The following DLC1 variants were observed in gnomAD, a reference collection of about 807,000 sequenced individuals.
The protein encoded by DLC1 is rho GTPase-activating protein 7.
DLC1 carries 54 observed loss-of-function variants against 140.3 expected under a neutral mutation model. That is an observed-to-expected ratio of 0.38 (90% CI 0.31 to 0.48). DLC1 has a LOEUF of 0.48. Ranked by LOEUF, DLC1 falls within the 20% of genes least tolerant of loss-of-function variation. DLC1 has a pLI of 0.96. For missense variants in DLC1, 2,536 were observed against 1,907.0 expected (o/e 1.33, Z -6.14); for synonymous variants, 986 against 728.1 (o/e 1.35, Z -5.70).
At chr8:13,175,832 C>T (rs758478658) in intron 5 of DLC1, among the ~76,000 whole-genome samples, 18 of 152,212 alleles carry the variant, frequency 1.2e-4, no homozygotes, top group Non-Finnish European at 2.4e-4. Flanking sequence ...ACTGTTCTCT[C>T]ACCAAAGTGG....
intron 4 of DLC1, among the ~76,000 whole-genome samples, chr8:13,316,315 C>T (rs994655152): frequency 2.0e-5 from 3 of 152,064 alleles, no homozygotes; most frequent in Non-Finnish European, 2.9e-5. Context: ...ACAGGTACAG[C>T]AGTTTTGTCC....
intron 16 of DLC1, among the ~76,000 whole-genome samples, chr8:13,087,378 G>A (rs1291857395): frequency 1.3e-5 from 2 of 152,218 alleles, no homozygotes; most frequent in African/African-American, 4.8e-5. Context: ...CCTAGCCTTG[G>A]TGACAGAATG....
chr8:13,550,467 A>G lies in DLC1; in HGVS notation c.-125-50271T>C, dbSNP rs566211885. On this transcript the variant is annotated intron_variant, in intron 1 of 1. Transcript: ENST00000631382. ...GAGAAGACTAATACAGAATTTTTGC[A>G]TGGTCTTCTTGAGCTATATACAGGC... is the stretch of plus-strand genomic sequence containing the variant. Among the ~76,000 whole-genome samples, 142 of 152,214 alleles carry G rather than the reference A, an allele frequency of 9.3e-4. 1 individual carries two copies. The highest frequency in any genetic ancestry group is 3.3e-3 in the African/African-American group (136 of 41,552).
At chr8:13,578,526 C>G (rs1804926979) in intron 1 of DLC1, among the ~76,000 whole-genome samples, 1 of 152,068 alleles carries the variant, frequency 6.6e-6, no homozygotes, top group Non-Finnish European at 1.5e-5. Flanking sequence ...CAAGGCTGCC[C>G]CCACTGCAGA....
intron 1 of DLC1, among the ~76,000 whole-genome samples, chr8:13,521,736 C>G (rs1033208491): frequency 9.2e-5 from 14 of 152,132 alleles, no homozygotes; most frequent in Non-Finnish European, 2.1e-4. Context: ...AGCCTCGTGT[C>G]CTTGAAACAA....
At chr8:13,571,626 G>T (rs1014980183) in intron 1 of DLC1, among the ~76,000 whole-genome samples, 1 of 152,190 alleles carries the variant, frequency 6.6e-6, no homozygotes, top group Non-Finnish European at 1.5e-5. Flanking sequence ...CACTTGCATT[G>T]CTCCCACTTT....
intron 1 of DLC1, among the ~76,000 whole-genome samples, chr8:13,562,519 A>C (rs879270314): frequency 7.9e-5 from 12 of 152,184 alleles, no homozygotes; most frequent in Non-Finnish European, 1.2e-4. Context: ...TTACGCTGAG[A>C]TATCATTTCT....
At chr8:13,424,221 G>A (rs371522207) in intron 2 of DLC1, among the ~76,000 whole-genome samples, 4 of 152,162 alleles carry the variant, frequency 2.6e-5, no homozygotes, top group East Asian at 3.9e-4. Context: ...AATCAAGGCC[G>A]GGTTCGGTGG....
At chr8:13,442,247 A>G (rs1798547544) in intron 2 of DLC1, among the ~76,000 whole-genome samples, 1 of 152,194 alleles carries the variant, frequency 6.6e-6, no homozygotes, top group Non-Finnish European at 1.5e-5. Context: ...AAACCCTAAA[A>G]ACCCTAGAAG....
chr8:13,452,920 C>A (rs564151358), intron 2 of DLC1, among the ~76,000 whole-genome samples: 1 of 152,044 alleles, frequency 6.6e-6, no homozygotes, highest in African/African-American at 2.4e-5. Flanking sequence ...ATGAGAATGG[C>A]CATGATATGA....
chr8:13,460,306 T>A (rs1323110840), intron 2 of DLC1, among the ~76,000 whole-genome samples: 1 of 152,226 alleles, frequency 6.6e-6, no homozygotes, highest in African/African-American at 2.4e-5. Flanking sequence ...CTCCCATGGC[T>A]CCTTGCAAAA....
intron 5 of DLC1, among the ~76,000 whole-genome samples, chr8:13,171,072 G>A (rs1429818882): frequency 6.6e-6 from 1 of 152,138 alleles, no homozygotes; most frequent in Non-Finnish European, 1.5e-5. Flanking sequence ...ATCAGGGAGA[G>A]AAACTAAATT....
chr8:13,329,266 G>C (rs1833492360), intron 4 of DLC1, among the ~76,000 whole-genome samples: 1 of 152,092 alleles, frequency 6.6e-6, no homozygotes, highest in Admixed American at 6.5e-5. Context: ...ACTATCTGCT[G>C]GTCCTATAGA....
chr8:13,464,554 C>T lies in DLC1; in HGVS notation c.1023+34495G>A, dbSNP rs141286242. ...ATGTCCCATATATGTAAATTATAAC[C>T]CATAATATTACAATGATCCCCTGTG... On this transcript the variant is annotated intron_variant, in intron 2 of 17. Coordinates refer to ENST00000276297, the MANE Select transcript of DLC1 (RefSeq NM_182643.3). Among the ~76,000 whole-genome samples the T allele has an allele frequency of 2.5e-3, 383 of 151,628 alleles. 2 individuals are homozygous for T. Among genetic ancestry groups the T allele is most frequent in the Non-Finnish European group, 3.6e-3 (245 of 67,920 alleles).
chr8:13,311,509 C>T (rs558263452), intron 4 of DLC1, among the ~76,000 whole-genome samples: 1 of 152,182 alleles, frequency 6.6e-6, no homozygotes, highest in Non-Finnish European at 1.5e-5. Context: ...AATGCACACA[C>T]AATTATCTGA....
At chr8:13,214,637 T>G (rs1181454435) in intron 5 of DLC1, 2 of 780,536 alleles carry the variant, frequency 2.6e-6, no homozygotes, top group Non-Finnish European at 4.8e-6. Context: ...TAGGTGATGT[T>G]TTCTTCTCCA....
chr8:13,451,037 C>CAAAAAAAAAAAAAAAAAA lies in DLC1; in HGVS notation c.1023+47994_1023+48011dup. ...CTGGTGATAGAGTGAGACTCCGTCTCAAAAAAAAAAAAAAAAAAAAAAAAA... is the reference window on the plus strand; with the variant it reads ...CTGGTGATAGAGTGAGACTCCGTCTCAAAAAAAAAAAAAAAAAAAAAAAAAAAAAAAAAAAAAAAAAAA... On this transcript the variant is annotated intron_variant, in intron 2 of 17. Coordinates refer to ENST00000276297, the MANE Select transcript of DLC1 (RefSeq NM_182643.3). Among the ~76,000 whole-genome samples, 79 of 18,374 alleles carry CAAAAAAAAAAAAAAAAAA rather than the reference C, an allele frequency of 4.3e-3. 16 individuals carry two copies. The highest frequency in any genetic ancestry group is 6.0e-3 in the Non-Finnish European group (43 of 7,212). The allele number at this position is 18,374 out of a possible 152,430, so 12.1% of individuals were successfully genotyped here.
chr8:13,551,432 C>G (rs1333602866), intron 1 of DLC1, among the ~76,000 whole-genome samples: 1 of 151,910 alleles, frequency 6.6e-6, no homozygotes, highest in Non-Finnish European at 1.5e-5. Context: ...ACTAATTTGC[C>G]TAAGAACGAG....
In DLC1 at chr8:13,498,915, G is replaced by T. The variant is rs3736135; in HGVS notation, c.1023+134C>A. Reference sequence around the variant, plus strand: ...TGATGGTTTGACCAAGTGGGTAGTCGTTGAATTACACATCTGCATAACAGG... The same window carrying T: ...TGATGGTTTGACCAAGTGGGTAGTCTTTGAATTACACATCTGCATAACAGG... On this transcript the variant is annotated intron_variant, in intron 2 of 17. Transcript: ENST00000276297. The T allele has an allele frequency of 0.92, 975,155 of 1,064,966 alleles. 449,122 individuals carry two copies. Among genetic ancestry groups the T allele is most frequent in the Non-Finnish European group, 0.94 (730,320 of 776,448 alleles). 66.0% of individuals were successfully genotyped at this position (1,064,966 alleles called of 1,614,324 possible). A position where few individuals can be genotyped will look rare whatever the true frequency, so the allele number is the denominator to read the frequency against.
Sources: gnomAD v4.1 joint callset for allele counts (sites outside exome capture counted in the v4.1 genomes callset) on GRCh38, gnomAD v4.1.1 for gene constraint, MANE v1.5 for transcripts, NCBI Gene and HGNC (gene_info 2026-07-23, HGNC 2026-07-21) for gene names.